Variants in PCLO observed in about 807,000 individuals in gnomAD.
PCLO encodes piccolo presynaptic cytomatrix protein.
PCLO carries 82 observed loss-of-function variants against 427.5 expected under a neutral mutation model. The observed-to-expected ratio is 0.19, with a 90% CI of 0.16 to 0.23. The LOEUF is 0.23. Among genes scored for constraint, PCLO ranks in the 10% least tolerant of loss-of-function variants. The probability of loss-of-function intolerance (pLI) is 1.00; values close to 1 mark genes in which losing one functional copy is unlikely to be tolerated. For synonymous variants in PCLO, 2,357 were observed against 2,155.4 expected (o/e 1.09, Z -2.59); for missense variants, 6,239 against 6,115.9 (o/e 1.02, Z -0.67).
At chr7:82,970,338 G>C (rs1375483586) in intron 3 of PCLO, among the ~76,000 whole-genome samples, 1 of 151,872 alleles carries the variant, frequency 6.6e-6, no homozygotes, top group African/African-American at 2.4e-5. Flanking sequence ...CTGTAAAGGA[G>C]TAAAATCTGC....
chr7:83,160,476 T>G (rs548573235), intron 1 of PCLO, among the ~76,000 whole-genome samples: 1 of 152,132 alleles, frequency 6.6e-6, no homozygotes, highest in Non-Finnish European at 1.5e-5. Context: ...AAATAACTTT[T>G]AAAAAGTTAT....
At chr7:82,768,751 A>G (rs1024999216) in intron 22 of PCLO, among the ~76,000 whole-genome samples, 3 of 152,072 alleles carry the variant, frequency 2.0e-5, no homozygotes, top group African/African-American at 7.2e-5. Flanking sequence ...CTCAATTAGT[A>G]TATACAATGG....
At chr7:82,776,103 A>G (rs1402276790) in intron 22 of PCLO, among the ~76,000 whole-genome samples, 1 of 152,138 alleles carries the variant, frequency 6.6e-6, no homozygotes, top group African/African-American at 2.4e-5. Context: ...ATAGGTGTTC[A>G]CATTGTTAAC....
chr7:83,071,786 C>T (rs1029672041), intron 3 of PCLO, among the ~76,000 whole-genome samples: 1 of 151,982 alleles, frequency 6.6e-6, no homozygotes, highest in Non-Finnish European at 1.5e-5. Flanking sequence ...AATACACAAA[C>T]AATATACTGA....
At chr7:83,033,707 A>G (rs1296630283) in intron 3 of PCLO, among the ~76,000 whole-genome samples, 1 of 151,934 alleles carries the variant, frequency 6.6e-6, no homozygotes, top group East Asian at 1.9e-4. Context: ...CTTTCATCAC[A>G]CTATTACTTT....
chr7:82,898,296 T>C (rs764975230), intron 9 of PCLO, among the ~76,000 whole-genome samples: 1 of 151,462 alleles, frequency 6.6e-6, no homozygotes, highest in Non-Finnish European at 1.5e-5. Context: ...CCCTGAAGAA[T>C]CTTTGAGATC....
At chr7:83,083,689 G>A (rs965319118) in intron 3 of PCLO, among the ~76,000 whole-genome samples, 1 of 151,970 alleles carries the variant, frequency 6.6e-6, no homozygotes, top group African/African-American at 2.4e-5. Context: ...TTTAAAAATT[G>A]TAAAAAGTAT....
intron 3 of PCLO, among the ~76,000 whole-genome samples, chr7:83,088,300 C>T (rs146048585): frequency 5.9e-5 from 9 of 152,120 alleles, no homozygotes; most frequent in Admixed American, 4.6e-4. Context: ...CTACACTAGA[C>T]AAGAGATGTG....
At chr7:82,765,501 T>C (rs1003110485) in intron 22 of PCLO, among the ~76,000 whole-genome samples, 2 of 152,032 alleles carry the variant, frequency 1.3e-5, no homozygotes, top group Non-Finnish European at 2.9e-5. Context: ...GAAAAATTAA[T>C]AGTGAATTTA....
chr7:83,091,960 T>C (rs1221795810), intron 3 of PCLO, among the ~76,000 whole-genome samples: 4 of 152,218 alleles, frequency 2.6e-5, no homozygotes, highest in Non-Finnish European at 5.9e-5. Flanking sequence ...TGAAGAGGTA[T>C]GGAAGTTTCA....
intron 6 of PCLO, among the ~76,000 whole-genome samples, chr7:82,936,732 C>T (rs1794961459): frequency 6.6e-6 from 1 of 151,498 alleles, no homozygotes; most frequent in Non-Finnish European, 1.5e-5. Flanking sequence ...ATTTATAGAA[C>T]CATTATTCCC....
chr7:82,944,048 G>A (rs898398956), intron 6 of PCLO, among the ~76,000 whole-genome samples: 1 of 146,938 alleles, frequency 6.8e-6, no homozygotes, highest in Non-Finnish European at 1.5e-5. Context: ...TCGGGAGGCT[G>A]AGGCAGGAGA....
chr7:82,857,493 T>C (rs918542451), intron 10 of PCLO, among the ~76,000 whole-genome samples: 4 of 152,172 alleles, frequency 2.6e-5, no homozygotes, highest in African/African-American at 9.6e-5. Context: ...AATATCACTT[T>C]ATACTAGGAA....
intron 18 of PCLO, 60 bp downstream of exon 18, chr7:82,826,529 C>G (rs929558651): frequency 2.8e-6 from 3 of 1,083,002 alleles, no homozygotes; most frequent in South Asian, 2.7e-5. Context: ...TGCTTTGCAT[C>G]GTGCTTTAAT....
Position 82,965,866 on chromosome 7 carries a change from T to C in PCLO, c.3922A>G (p.Lys1308Glu), listed in dbSNP as rs769168990. ...LPSGTPQSLP[K>E]EDDKTTKTIK... is the part of the protein sequence containing the mutation. ...GTTTTGGTTGTCTTATCATCTTCTT[T>C]AGGTAAACTCTGAGGTGTGCCAGAT... Residue 1308 changes from lysine to glutamate, a missense_variant, in exon 4 of 25, where the codon AAA becomes GAA. Around this residue, in one of 5 missense-constraint regions of PCLO, gnomAD observed 4,677 missense variants for 4,468.4 expected, o/e 1.05. Coordinates refer to ENST00000333891, the MANE Select transcript of PCLO (RefSeq NM_033026.6). 6.2e-7 allele frequency: 1 copy of C among 1,613,974 alleles called. No individual in the cohort carries two copies. The highest frequency in any genetic ancestry group is 1.7e-5 in the Admixed American group (1 of 60,018).
chr7:83,014,691 C>G (rs1483592187), intron 3 of PCLO, among the ~76,000 whole-genome samples: 1 of 152,008 alleles, frequency 6.6e-6, no homozygotes. Context: ...ATTGACTATT[C>G]AGTTCCCTGA....
At chr7:83,044,159 C>A (rs1789046139) in intron 3 of PCLO, among the ~76,000 whole-genome samples, 1 of 152,006 alleles carries the variant, frequency 6.6e-6, no homozygotes, top group East Asian at 1.9e-4. Context: ...AGGGAAACTG[C>A]CACTTTTAAA....
At chr7:83,010,235 T>C (rs534796790) in intron 3 of PCLO, among the ~76,000 whole-genome samples, 1 of 152,092 alleles carries the variant, frequency 6.6e-6, no homozygotes, top group African/African-American at 2.4e-5. Context: ...AACAAATAGC[T>C]TTGGCTCGAA....
At chr7:83,045,213 G>A (rs1485751609) in intron 3 of PCLO, among the ~76,000 whole-genome samples, 1 of 152,066 alleles carries the variant, frequency 6.6e-6, no homozygotes, top group Non-Finnish European at 1.5e-5. Flanking sequence ...TTCTTTTTAA[G>A]TCCAACCCAT....
Sources: gnomAD v4.1 joint callset for allele counts (sites outside exome capture counted in the v4.1 genomes callset) on GRCh38, gnomAD v4.1.1 for gene constraint, gnomAD v4.1.1 regional missense constraint, MANE v1.5 for transcripts, NCBI Gene and HGNC (gene_info 2026-07-23, HGNC 2026-07-21) for gene names.